Variants in RAB11FIP3 observed in about 807,000 individuals in gnomAD.
RAB11FIP3 encodes the protein RAB11 family interacting protein 3.
A neutral mutation model predicts 77.8 loss-of-function variants in RAB11FIP3; 17 were observed. That is an observed-to-expected ratio of 0.22 (90% confidence interval 0.15 to 0.33). The LOEUF (loss-of-function observed/expected upper bound fraction) is 0.33. Among genes scored for constraint, RAB11FIP3 ranks in the 10% least tolerant of loss-of-function variants. The pLI is 1.00. For missense variants in RAB11FIP3, 1,005 were observed against 1,011.2 expected (o/e 0.99, Z 0.08); for synonymous variants, 437 against 448.2 (o/e 0.98, Z 0.31).
intron 1 of RAB11FIP3, among the ~76,000 whole-genome samples, chr16:454,335 T>C (rs1325299767): frequency 6.6e-6 from 1 of 152,186 alleles, no homozygotes; most frequent in Admixed American, 6.5e-5. Flanking sequence ...TTCCAGCTAC[T>C]CTGGAGGTCA....
At chr16:485,326 GAT>G (rs1196550557) in intron 4 of RAB11FIP3, among the ~76,000 whole-genome samples, 2 of 152,148 alleles carry the variant, frequency 1.3e-5, no homozygotes, top group Non-Finnish European at 2.9e-5. Context: ...GAGTCCTTTC[GAT>G]ATGAGTCCCT....
intron 3 of RAB11FIP3, among the ~76,000 whole-genome samples, chr16:481,584 G>A (rs1296518102): frequency 1.4e-5 from 2 of 146,964 alleles, no homozygotes; most frequent in African/African-American, 5.0e-5. Context: ...CTACAGGCAG[G>A]TGCCACCACA....
At position 518,973 on chromosome 16, in the gene RAB11FIP3, A is replaced by C; in HGVS notation, c.1671A>C (p.Glu557Asp). The C allele has an allele frequency of 6.2e-7, 1 of 1,613,580 alleles. No homozygotes were observed. The highest frequency in any genetic ancestry group is 2.2e-5 in the East Asian group (1 of 44,864). Residue 557 changes from glutamate to aspartate, a missense_variant, in exon 10 of 14, where the codon GAA (glutamate) becomes GAC (aspartate). This residue lies in a region of RAB11FIP3 where 433 missense variants were observed against 436.1 expected (regional missense o/e 0.99). Coordinates refer to ENST00000262305, the MANE Select transcript of RAB11FIP3 (RefSeq NM_014700.4). ...RLQQLDEENS[E>D]LRSCTPCLKA... is the part of the protein sequence containing the mutation. Reference sequence around the variant, plus strand: ...AGCAACTGGACGAGGAGAACAGTGAACTCCGGTCCTGCACGCCCTGTCTGA... The same window carrying C: ...AGCAACTGGACGAGGAGAACAGTGACCTCCGGTCCTGCACGCCCTGTCTGA...
Position 519,775 on chromosome 16 carries a change from G to A in RAB11FIP3, c.1744G>A (p.Glu582Lys). 6.2e-7 allele frequency: 1 copy of A among 1,612,792 alleles called. No individual in the cohort carries two copies. The highest frequency in any genetic ancestry group is 2.2e-5 in the East Asian group (1 of 44,870). ...GCAGGAGAAGCAGAAGCTGTTGGAT[G>A]AGATAGAGTCGCTGACGCTGCGGCT... ...LEEEKQKLLD[E>K]IESLTLRLSE... Residue 582 changes from glutamate to lysine, a missense_variant, in exon 11 of 14, where the codon GAG (glutamate) becomes AAG (lysine). Physicochemically the swap from Glu to Lys is moderately conservative, Grantham distance 56. This residue lies in a region of RAB11FIP3 where 433 missense variants were observed against 436.1 expected (regional missense o/e 0.99). Transcript: ENST00000262305.
chr16:520,041 T>C, intron 11 of RAB11FIP3, 81 bp from the exon 12 acceptor site: 1 of 1,534,050 alleles, frequency 6.5e-7, no homozygotes, highest in Non-Finnish European at 8.8e-7. Flanking sequence ...AGATCAACCC[T>C]GAGGTTCTAC....
At position 521,100 on chromosome 16, in the gene RAB11FIP3, G is replaced by A. The variant is rs2032666147; in HGVS notation, c.*261G>A. The A allele has an allele frequency of 1.8e-6, 1 of 549,310 alleles. No homozygotes were observed. Among genetic ancestry groups the A allele is most frequent in the East Asian group, 3.1e-5 (1 of 32,590 alleles). The allele number at this position is 549,310 out of a possible 1,614,324, so 34.0% of individuals were successfully genotyped here. ...AGGGTTGTGGCAGGGCCGTCCATCA[G>A]CGCTGACCTTCCGGGGGCCCAGAGC... On this transcript the variant is annotated 3_prime_UTR_variant, in exon 14 of 14. Transcript: ENST00000262305.
At chr16:450,960 A>G (rs1411216192) in intron 1 of RAB11FIP3, among the ~76,000 whole-genome samples, 2 of 151,832 alleles carry the variant, frequency 1.3e-5, no homozygotes, top group African/African-American at 4.8e-5. Context: ...CTGTTACCGC[A>G]GCGCTCTGCC....
Position 501,638 on chromosome 16 carries a change from G to T in RAB11FIP3, c.1302-1366G>T, listed in dbSNP as rs542119194. Among the ~76,000 whole-genome samples, 223 of 141,630 alleles carry T rather than the reference G, an allele frequency of 1.6e-3. 1 individual carries two copies. Among genetic ancestry groups the T allele is most frequent in the Non-Finnish European group, 2.6e-3 (170 of 66,228 alleles). 92.9% of individuals were successfully genotyped at this position (141,630 alleles called of 152,430 possible). On this transcript the variant is annotated intron_variant, in intron 6 of 13. Transcript: ENST00000262305. ...TCACAGGCAAGGAAGCTGGGAGAGGGTCCCCCCATTTCACAGACAAGTTCA... is the reference window on the plus strand; with the variant it reads ...TCACAGGCAAGGAAGCTGGGAGAGGTTCCCCCCATTTCACAGACAAGTTCA...
intron 1 of RAB11FIP3, among the ~76,000 whole-genome samples, chr16:459,849 GC>G (rs2055573466): frequency 6.9e-6 from 1 of 145,846 alleles, no homozygotes; most frequent in African/African-American, 2.5e-5. Context: ...TAAGTTTTTT[GC>G]CCACTTAAAA....
chr16:481,011 A>G (rs1293400455), intron 3 of RAB11FIP3, among the ~76,000 whole-genome samples: 1 of 127,284 alleles, frequency 7.9e-6, no homozygotes, highest in African/African-American at 2.7e-5. Flanking sequence ...GTTTTTCCAT[A>G]TTGGTCAGGC....
rs1014938551 is a variant in RAB11FIP3, at chr16:510,662, C to T, written c.1502C>T (p.Ala501Val). 1.9e-5 allele frequency: 31 copies of T among 1,602,784 alleles called. No homozygotes were observed. Among genetic ancestry groups the T allele is most frequent in the Non-Finnish European group, 2.6e-5 (30 of 1,175,574 alleles). ...AGCTCCTCCCTTTGCCTTTCAAGAG[C>T]AAACGCCCTGGAGGAGCAGCTGAAG... ...RQENLQLVHR[A>V]NALEEQLKEQ... The change falls in exon 9 of 14, where the codon GCA becomes GTA. Residue 501 changes from alanine (A) to valine (V), a missense_variant and splice_region_variant. Around this residue, in one of 4 missense-constraint regions of RAB11FIP3, gnomAD observed 433 missense variants for 436.1 expected, o/e 0.99. Coordinates refer to ENST00000262305, the MANE Select transcript of RAB11FIP3 (RefSeq NM_014700.4).
At position 461,311 on chromosome 16, in the gene RAB11FIP3, G is replaced by C; in HGVS notation, c.715-93G>C. 2.2e-6 allele frequency: 2 copies of C among 917,156 alleles called. No homozygotes were observed. The highest frequency in any genetic ancestry group is 5.0e-5 in the Admixed American group (2 of 40,312). 56.8% of individuals were successfully genotyped at this position (917,156 alleles called of 1,614,324 possible). The stretch of plus-strand genomic sequence containing the variant: ...TGCTGTGCTTCCCCGTTCCCAGCAG[G>C]CCACACACCAGATCTCTCCCAGTCC... On this transcript the variant is annotated intron_variant, in intron 1 of 13. Transcript: ENST00000262305. The surrounding 1 kb of genome is among the most constrained non-coding windows in gnomAD (Gnocchi z 4.5).
chr16:498,617 C>G (rs2031309028), intron 6 of RAB11FIP3, among the ~76,000 whole-genome samples: 1 of 152,196 alleles, frequency 6.6e-6, no homozygotes, highest in African/African-American at 2.4e-5. Flanking sequence ...CTCCCAAGCT[C>G]AAATGATCCT....
At chr16:482,767 G>A in intron 4 of RAB11FIP3, 31 bp downstream of exon 4, 1 of 1,559,648 alleles carries the variant, frequency 6.4e-7, no homozygotes, top group Non-Finnish European at 8.6e-7. Context: ...CTCCTGGAGA[G>A]GCCTTGGGAT....
intron 1 of RAB11FIP3, among the ~76,000 whole-genome samples, chr16:445,319 G>A (rs1187834928): frequency 9.3e-5 from 14 of 150,630 alleles, no homozygotes; most frequent in Non-Finnish European, 1.8e-4. Flanking sequence ...AGTGCCTGTA[G>A]TTTCAGCTAC....
intron 4 of RAB11FIP3, among the ~76,000 whole-genome samples, chr16:488,490 C>T (rs1273520123): frequency 6.6e-6 from 1 of 152,150 alleles, no homozygotes; most frequent in Non-Finnish European, 1.5e-5. Context: ...CTCACTGCAG[C>T]CTTGGCCTCC....
chr16:427,120 G>C (rs1361597429), intron 1 of RAB11FIP3, among the ~76,000 whole-genome samples: 1 of 152,156 alleles, frequency 6.6e-6, no homozygotes, highest in Non-Finnish European at 1.5e-5. Context: ...GATACTGCTC[G>C]GCTGAATTCA....
intron 4 of RAB11FIP3, among the ~76,000 whole-genome samples, chr16:488,118 C>T (rs562702962): frequency 6.2e-4 from 95 of 152,338 alleles, no homozygotes; most frequent in Middle Eastern, 3.4e-3. Flanking sequence ...TGGTGGCTCA[C>T]GCCTGTAATC....
At position 493,868 on chromosome 16, in the gene RAB11FIP3, A is replaced by G. The variant is rs990933060; in HGVS notation, c.1266-2956A>G. On this transcript the variant is annotated intron_variant, in intron 5 of 13. Coordinates refer to ENST00000262305, the MANE Select transcript of RAB11FIP3 (RefSeq NM_014700.4). ...TGACCCCCCAAAGTGCTGGGATTAC[A>G]GGCTGAGCCACTGCACCCAGCCTGC... is the stretch of plus-strand genomic sequence containing the variant. 3.4e-5 allele frequency among the ~76,000 whole-genome samples: 5 copies of G among 147,148 alleles called. No homozygotes were observed. In the East Asian group the frequency reaches 8.2e-4, roughly 24 times the overall value.
Sources: gnomAD v4.1 joint callset for allele counts (sites outside exome capture counted in the v4.1 genomes callset) on GRCh38, gnomAD v4.1.1 for gene constraint, gnomAD v4.1.1 regional missense constraint, Gnocchi (gnomAD v3.1) non-coding constraint, MANE v1.5 for transcripts, NCBI Gene and HGNC (gene_info 2026-07-23, HGNC 2026-07-21) for gene names.